Variants in RGSL1 observed in about 807,000 individuals in gnomAD.
RGSL1 encodes regulator of G protein signaling protein-like.
In RGSL1, 97 loss-of-function variants were observed where a neutral mutation model predicts 124.7. That is an observed-to-expected ratio of 0.78 (90% CI 0.66 to 0.92). The LOEUF is 0.92. RGSL1 is among the 40% of genes least tolerant of loss of function. The pLI is 0.00. For missense variants in RGSL1, 1,233 were observed against 1,288.4 expected, an observed-to-expected ratio of 0.96 and a Z score of 0.66; for synonymous variants, 424 against 438.1, an observed-to-expected ratio of 0.97 and a Z score of 0.40.
In RGSL1 at chr1:182,535,263, G is replaced by A. The variant is rs150209018; in HGVS notation, c.2494+2472G>A. 7.3e-3 allele frequency among the ~76,000 whole-genome samples: 1,106 copies of A among 152,226 alleles called. 15 individuals carry two copies. Among genetic ancestry groups the A allele is most frequent in the Middle Eastern group, 0.027 (8 of 294 alleles). On this transcript the variant is annotated intron_variant, in intron 14 of 21. Coordinates refer to ENST00000294854, the MANE Select transcript of RGSL1 (RefSeq NM_001137669.2). ...TTATTTTACTATTGCCTTTTAAAATGTACATGTGTTTTCATACTCTTTCTA... is the reference window on the plus strand; with the variant it reads ...TTATTTTACTATTGCCTTTTAAAATATACATGTGTTTTCATACTCTTTCTA...
intron 4 of RGSL1, chr1:182,471,251 T>G (rs943403258): frequency 2.2e-6 from 1 of 457,290 alleles, no homozygotes; most frequent in Non-Finnish European, 4.4e-6. Flanking sequence ...GAGTTCATTC[T>G]CCCTCTCTTA....
chr1:182,485,408 A>C (rs568605757), intron 6 of RGSL1, among the ~76,000 whole-genome samples: 2 of 152,282 alleles, frequency 1.3e-5, no homozygotes, highest in East Asian at 3.9e-4. Flanking sequence ...AGGCAGGGGC[A>C]AGTGCTGGGG....
At chr1:182,492,744 T>G (rs1349338122) in intron 8 of RGSL1, among the ~76,000 whole-genome samples, 2 of 151,692 alleles carry the variant, frequency 1.3e-5, no homozygotes, top group Non-Finnish European at 2.9e-5. Flanking sequence ...TTCTCCTGCC[T>G]CAGCCTCCCA....
intron 4 of RGSL1, among the ~76,000 whole-genome samples, chr1:182,466,469 A>C (rs1398021844): frequency 6.6e-6 from 1 of 152,210 alleles, no homozygotes; most frequent in Non-Finnish European, 1.5e-5. Flanking sequence ...TGAATCCAGC[A>C]AAGTAGCTGG....
chr1:182,447,968 T>TA (rs1651579049), upstream of RGSL1: 2 of 143,570 alleles, frequency 1.4e-5, no homozygotes, highest in African/African-American at 5.1e-5. Flanking sequence ...GCTCTGAAAT[T>TA]TAAAAAAAAA....
chr1:182,455,471 A>G (rs1652233828), intron 2 of RGSL1, among the ~76,000 whole-genome samples: 1 of 152,100 alleles, frequency 6.6e-6, no homozygotes, highest in African/African-American at 2.4e-5. Flanking sequence ...AGTGCCAGCT[A>G]CTCAGGAGGC....
At chr1:182,523,057 C>G (rs191631872) in intron 10 of RGSL1, among the ~76,000 whole-genome samples, 172 of 149,234 alleles carry the variant, frequency 1.2e-3, no homozygotes, top group South Asian at 1.5e-3. Flanking sequence ...TTTCTTGAGA[C>G]AGAGTCTCAC....
intron 14 of RGSL1, among the ~76,000 whole-genome samples, chr1:182,539,152 T>A (rs1447795290): frequency 6.6e-6 from 1 of 152,134 alleles, no homozygotes; most frequent in Non-Finnish European, 1.5e-5. Flanking sequence ...AAATTAGGTC[T>A]CCCCCTCTAC....
At chr1:182,522,185 A>G (rs1180099655) in intron 10 of RGSL1, 76 bp downstream of exon 10, 13 of 1,005,556 alleles carry the variant, frequency 1.3e-5, no homozygotes, top group Non-Finnish European at 1.5e-6. Context: ...CTAATGGTAA[A>G]CTTATCTTTC....
At chr1:182,508,157 G>A (rs888704746) in intron 9 of RGSL1, among the ~76,000 whole-genome samples, 2 of 151,916 alleles carry the variant, frequency 1.3e-5, no homozygotes, top group African/African-American at 4.8e-5. Flanking sequence ...CAATGTGCAG[G>A]TATTTTCCTT....
intron 9 of RGSL1, among the ~76,000 whole-genome samples, chr1:182,498,385 C>G (rs7416893): frequency 1.2e-4 from 18 of 152,020 alleles, no homozygotes; most frequent in Admixed American, 2.6e-4. Context: ...GAGCCTCATT[C>G]CTTTTCTTAG....
chr1:182,470,324 G>T (rs1653726838), intron 4 of RGSL1, among the ~76,000 whole-genome samples: 1 of 151,990 alleles, frequency 6.6e-6, no homozygotes, highest in Non-Finnish European at 1.5e-5. Context: ...TGACCTTCAA[G>T]ATCCTAGAGA....
intron 2 of RGSL1, among the ~76,000 whole-genome samples, chr1:182,456,237 T>C (rs1280476234): frequency 1.3e-5 from 2 of 152,050 alleles, no homozygotes; most frequent in African/African-American, 4.8e-5. Context: ...GTGGGTCTTT[T>C]ATGTGTTTCT....
chr1:182,486,553 G>A (rs190947082), intron 6 of RGSL1, among the ~76,000 whole-genome samples: 428 of 151,990 alleles, frequency 2.8e-3, no homozygotes, highest in African/African-American at 9.8e-3. Flanking sequence ...TCACCATGTT[G>A]CCCAGGCTGG....
chr1:182,475,066 C>A (rs2584821), intron 6 of RGSL1, among the ~76,000 whole-genome samples: 1 of 152,120 alleles, frequency 6.6e-6, no homozygotes, highest in Non-Finnish European at 1.5e-5. Flanking sequence ...GCCAAAAATT[C>A]TAAAGTACAA....
At chr1:182,459,948 T>G in intron 3 of RGSL1, 56 bp from the exon 4 acceptor site, 1 of 1,527,830 alleles carries the variant, frequency 6.5e-7, no homozygotes, top group Non-Finnish European at 8.8e-7. Flanking sequence ...AAGTTGTATT[T>G]TTTTAGCAGT....
chr1:182,455,537 G>A lies in RGSL1; in HGVS notation c.96+1497G>A, dbSNP rs1652244038. Among the ~76,000 whole-genome samples the A allele has an allele frequency of 2.0e-5, 3 of 151,836 alleles. No homozygotes were observed. In the South Asian group the frequency reaches 6.2e-4, roughly 32 times the overall value. On this transcript the variant is annotated intron_variant, in intron 2 of 21. Coordinates refer to ENST00000294854, the MANE Select transcript of RGSL1 (RefSeq NM_001137669.2). ...GCGGAGGTTGCAGTGAGCCGAGATT[G>A]CACCACTGCACTCCAGCCTAAGTGA...
intron 4 of RGSL1, among the ~76,000 whole-genome samples, chr1:182,461,148 T>G (rs1652800514): frequency 6.6e-6 from 1 of 151,488 alleles, no homozygotes; most frequent in Non-Finnish European, 1.5e-5. Context: ...TTTTTTTTTC[T>G]TTTTGGGAGG....
rs896675000 is a variant in RGSL1, at chr1:182,559,969, T to C, written c.*166-310T>C. Among the ~76,000 whole-genome samples, 8 of 152,344 alleles carry C rather than the reference T, an allele frequency of 5.3e-5. No individual in the cohort carries two copies. The South Asian group carries it at 1.2e-3, about 24-fold the overall frequency. ...GTCCTATTTTTATTTGTACCTAGAATAGACCAAGAACTATTTTTCACCTTA... is the reference window on the plus strand; with the variant it reads ...GTCCTATTTTTATTTGTACCTAGAACAGACCAAGAACTATTTTTCACCTTA... On this transcript the variant is annotated intron_variant, in intron 21 of 21. Transcript: ENST00000294854.
Sources: allele counts gnomAD v4.1 joint callset (sites outside exome capture counted in the v4.1 genomes callset), GRCh38; gene constraint gnomAD v4.1.1; transcripts MANE v1.5; gene names NCBI Gene and HGNC (gene_info 2026-07-23, HGNC 2026-07-21).